Variants in DENND10 observed in about 807,000 individuals in gnomAD.
The protein encoded by DENND10 is DENN domain containing 10.
DENND10 carries 24 observed loss-of-function variants against 43.6 expected under a neutral mutation model. The ratio of observed to expected loss-of-function variants is 0.55; its 90% CI spans 0.40 to 0.77. The LOEUF (loss-of-function observed/expected upper bound fraction) is 0.77, where lower values mean the gene tolerates loss of function less well. Among genes scored for constraint, DENND10 ranks in the 30% least tolerant of loss-of-function variants. The pLI is 0.00. For missense variants in DENND10, 303 were observed against 429.9 expected (o/e 0.70, Z 2.61); for synonymous variants, 125 against 157.6 (o/e 0.79, Z 1.55).
At chr10:119,108,351 C>T (rs1483861478) in intron 2 of DENND10, among the ~76,000 whole-genome samples, 187 bp downstream of exon 2, 9 of 151,804 alleles carry the variant, frequency 5.9e-5, no homozygotes, top group South Asian at 2.1e-4. Flanking sequence ...GGCGTGGTGG[C>T]GCACGCCTGT....
chr10:119,111,735 C>T, intron 2 of DENND10, 114 bp from the exon 3 acceptor site: 1 of 789,604 alleles, frequency 1.3e-6, no homozygotes, highest in African/African-American at 1.7e-5. Context: ...AAATTTTGGT[C>T]TTTTTCTTTT....
In DENND10 at chr10:119,117,634, G is replaced by A; in HGVS notation, c.448G>A (p.Ala150Thr). 1 of 1,614,046 alleles carries A rather than the reference G, an allele frequency of 6.2e-7. No individual in the cohort carries two copies. Among genetic ancestry groups the A allele is most frequent in the Admixed American group, 1.7e-5 (1 of 59,998 alleles). Residue 150 changes from alanine to threonine, a missense_variant, in exon 4 of 9, where the codon GCC (alanine) becomes ACC (threonine). By Grantham distance (58) the Ala-to-Thr change is moderately conservative. Transcript: ENST00000361432. ...NGSFLSKDFD[A>T]RKAYLAGSIK... ...CTCTTTCCTTAGTAAGGATTTTGAT[G>A]CCCGAAAGGCCTACCTGGCTGGCTC...
chr10:119,123,432 A>C, intron 5 of DENND10, 37 bp from the exon 6 acceptor site: 1 of 1,483,006 alleles, frequency 6.7e-7, no homozygotes, highest in Non-Finnish European at 9.4e-7. Context: ...TAAGGTGTGG[A>C]CCAGCAACAA....
At chr10:119,115,733 T>G (rs1478521577) in intron 3 of DENND10, among the ~76,000 whole-genome samples, 2 of 150,910 alleles carry the variant, frequency 1.3e-5, no homozygotes, top group African/African-American at 2.4e-5. Flanking sequence ...TTTTTTCATT[T>G]AGTCTATGAT....
intron 1 of DENND10, among the ~76,000 whole-genome samples, chr10:119,104,494 C>T (rs937139196): frequency 6.6e-6 from 1 of 150,878 alleles, no homozygotes; most frequent in African/African-American, 2.4e-5. Flanking sequence ...CCCCGGGTTG[C>T]CCGGCGGAGC....
Position 119,123,460 on chromosome 10 carries a change from A to G in DENND10, c.594-9A>G, listed in dbSNP as rs1845672864. Reference sequence around the variant, plus strand: ...AGCAACAACTTGAGTTCTTGCCTTGATTCCCCAGGACTCTGCCTGCCCTGG... The same window carrying G: ...AGCAACAACTTGAGTTCTTGCCTTGGTTCCCCAGGACTCTGCCTGCCCTGG... On this transcript the variant is annotated splice_polypyrimidine_tract_variant and intron_variant, in intron 5 of 8. Transcript: ENST00000361432. 6.2e-7 allele frequency: 1 copy of G among 1,610,922 alleles called. No individual in the cohort carries two copies. The highest frequency in any genetic ancestry group is 1.3e-5 in the African/African-American group (1 of 74,832).
chr10:119,133,869 G>T (rs1846191215), intron 8 of DENND10: 1 of 152,168 alleles, frequency 6.6e-6, no homozygotes, highest in East Asian at 1.9e-4. Context: ...AGCAACATAT[G>T]TGAATCTGAG....
intron 4 of DENND10, among the ~76,000 whole-genome samples, chr10:119,120,086 A>G (rs1214613912): frequency 7.1e-6 from 1 of 141,344 alleles, no homozygotes; most frequent in African/African-American, 2.6e-5. Flanking sequence ...CGTCTCTACT[A>G]AAAATACAAA....
chr10:119,111,263 C>CAAA (rs34393667), intron 2 of DENND10, among the ~76,000 whole-genome samples: 2 of 118,468 alleles, frequency 1.7e-5, no homozygotes, highest in African/African-American at 6.4e-5. Context: ...GCAAATGTCC[C>CAAA]AAAAAAAAAA....
rs1845994882 is a variant in DENND10 at position 119,129,618 on chromosome 10, A to G, written c.798A>G (p.Ala266=). The G allele has an allele frequency of 2.5e-6, 4 of 1,604,094 alleles. No individual in the cohort carries two copies. In the East Asian group the frequency reaches 6.7e-5, roughly 27 times the overall value. ...AESEITIAPL[A]KEAMAMGKLH... ...GTGAGATTACCATTGCTCCCCTTGC[A>G]AAAGGTTTGTTCTCTGTTCTGTTCT... is the stretch of plus-strand genomic sequence containing the variant. Residue 266 remains alanine (A), a synonymous_variant, in exon 7 of 9, where the codon GCA becomes GCG. Transcript: ENST00000361432.
chr10:119,132,592 GAGAGCC>G lies in DENND10; in HGVS notation c.882_887del (p.Glu294_His296delinsAsp). 1 of 1,614,092 alleles carries G rather than the reference GAGAGCC, an allele frequency of 6.2e-7. No homozygotes were observed. The highest frequency in any genetic ancestry group is 8.5e-7 in the Non-Finnish European group (1 of 1,179,926). ...GTCTGCAGAAGATCCAGAGAAATCA[GAGAGCC>G]ACGTTATACAGGTAACTCCCTCACC... On this transcript the variant is annotated inframe_deletion, in exon 8 of 9. Transcript: ENST00000361432. The surrounding 1 kb of genome is among the most constrained non-coding windows in gnomAD (Gnocchi z 4.2).
chr10:119,126,881 TTTTC>T lies in DENND10; in HGVS notation c.695-2628_695-2625del, dbSNP rs1294041644. 3.3e-5 allele frequency among the ~76,000 whole-genome samples: 5 copies of T among 151,748 alleles called. No homozygotes were observed. In the East Asian group the frequency reaches 7.8e-4, roughly 24 times the overall value. On this transcript the variant is annotated intron_variant, in intron 6 of 8. Transcript: ENST00000361432. ...TGCCTGGCCATTTTCTTATGAAAAT[TTTTC>T]TTTCTCTTTTTCTTTTCTTTTTTTT...
chr10:119,116,044 A>G (rs12356334), intron 3 of DENND10, among the ~76,000 whole-genome samples: 84,046 of 151,946 alleles, frequency 0.55, 23,722 homozygotes, highest in South Asian at 0.68. Context: ...GATTACAGGC[A>G]TGAGTCACTG....
intron 3 of DENND10, among the ~76,000 whole-genome samples, chr10:119,117,049 C>A (rs959557193): frequency 3.3e-5 from 5 of 152,026 alleles, no homozygotes; most frequent in African/African-American, 1.2e-4. Context: ...CTACTTTCTA[C>A]ATGAAAAGAT....
chr10:119,121,395 C>T (rs544833866), intron 5 of DENND10, among the ~76,000 whole-genome samples: 1 of 149,886 alleles, frequency 6.7e-6, no homozygotes, highest in East Asian at 1.9e-4. Flanking sequence ...ATTCTCCTGC[C>T]TCCGTTGAGA....
At chr10:119,134,325 C>G (rs931751263) in intron 8 of DENND10, 1 of 151,470 alleles carries the variant, frequency 6.6e-6, no homozygotes, top group African/African-American at 2.4e-5. Flanking sequence ...CAGGCATGAG[C>G]CACCACGCCT....
intron 2 of DENND10, among the ~76,000 whole-genome samples, chr10:119,110,536 C>A (rs1264444548): frequency 6.6e-6 from 1 of 152,130 alleles, no homozygotes; most frequent in Non-Finnish European, 1.5e-5. Flanking sequence ...CGGCTCACTG[C>A]AACCTCTGCC....
At chr10:119,119,966 C>T (rs1429181653) in intron 4 of DENND10, among the ~76,000 whole-genome samples, 3 of 151,986 alleles carry the variant, frequency 2.0e-5, no homozygotes, top group East Asian at 1.9e-4. Context: ...TAATTTTGTA[C>T]GTCAGGTGCT....
intron 6 of DENND10, among the ~76,000 whole-genome samples, chr10:119,128,630 G>C (rs1425357247): frequency 1.3e-5 from 2 of 151,492 alleles, no homozygotes; most frequent in South Asian, 4.2e-4. Context: ...AAAAAACTGA[G>C]ACTATAATTT....
Sources: allele counts gnomAD v4.1 joint callset (sites outside exome capture counted in the v4.1 genomes callset), GRCh38; gene constraint gnomAD v4.1.1; non-coding constraint Gnocchi (gnomAD v3.1); transcripts MANE v1.5; gene names NCBI Gene and HGNC (gene_info 2026-07-23, HGNC 2026-07-21).